KPNA5: variants seen among roughly 807,000 people sequenced by gnomAD.
The protein encoded by KPNA5 is karyopherin subunit alpha 5.
KPNA5 carries 46 observed loss-of-function variants against 71.3 expected under a neutral mutation model. The ratio of observed to expected loss-of-function variants is 0.65; its 90% CI spans 0.51 to 0.83. The LOEUF (loss-of-function observed/expected upper bound fraction) is 0.83. Among genes scored for constraint, KPNA5 ranks in the 40% least tolerant of loss-of-function variants. The pLI is 0.00. For missense variants in KPNA5, 547 were observed against 628.3 expected (o/e 0.87, Z 1.38); for synonymous variants, 207 against 201.4 (o/e 1.03, Z -0.24).
At chr6:116,715,323 C>T (rs1263881438) in intron 7 of KPNA5, among the ~76,000 whole-genome samples, 4 of 151,956 alleles carry the variant, frequency 2.6e-5, no homozygotes, top group South Asian at 2.1e-4. Context: ...CAAGGGGGTC[C>T]ACAACTCTAA....
At chr6:116,701,884 G>C (rs1778243480) in intron 5 of KPNA5, 135 bp from the exon 6 acceptor site, 9 of 633,572 alleles carry the variant, frequency 1.4e-5, no homozygotes, top group Non-Finnish European at 2.2e-5. Context: ...CCTTAAATCT[G>C]ACTTCACAAT....
intron 12 of KPNA5, among the ~76,000 whole-genome samples, chr6:116,729,080 T>C (rs1022578546): frequency 1.3e-5 from 2 of 151,910 alleles, no homozygotes; most frequent in South Asian, 4.1e-4. Context: ...GCTGTGATTG[T>C]TTTTATGGGA....
At chr6:116,686,368 A>C (rs1373039832) in intron 1 of KPNA5, among the ~76,000 whole-genome samples, 1 of 152,018 alleles carries the variant, frequency 6.6e-6, no homozygotes, top group South Asian at 2.1e-4. Context: ...GTGTCTGTTC[A>C]TGTCCTTTGC....
At chr6:116,702,852 A>G (rs931782846) in intron 6 of KPNA5, among the ~76,000 whole-genome samples, 4 of 152,228 alleles carry the variant, frequency 2.6e-5, no homozygotes, top group Non-Finnish European at 5.9e-5. Flanking sequence ...AATAAACTTA[A>G]TGAATAAAGT....
chr6:116,688,632 A>G (rs1485374548), intron 1 of KPNA5, among the ~76,000 whole-genome samples: 1 of 152,168 alleles, frequency 6.6e-6, no homozygotes, highest in Non-Finnish European at 1.5e-5. Context: ...TATTTTATGT[A>G]TTTATAAAAT....
At position 116,726,598 on chromosome 6, in the gene KPNA5, C is replaced by T; in HGVS notation, c.1229C>T (p.Ser410Leu). ...GCTTGGGCTATAACTAATGCAACAT[C>T]AGGAGGTACTCCAGAGCAAATAAGG... The part of the protein sequence containing the change: ...EAAWAITNAT[S>L]GGTPEQIRYL... Residue 410 changes from serine (S) to leucine (L), a missense_variant, in exon 12 of 14, where the codon TCA becomes TTA. Coordinates refer to ENST00000368564, the MANE Select transcript of KPNA5 (RefSeq NM_001366306.2). The T allele has an allele frequency of 6.2e-7, 1 of 1,611,178 alleles. No individual in the cohort carries two copies. The highest frequency in any genetic ancestry group is 8.5e-7 in the Non-Finnish European group (1 of 1,178,780).
At chr6:116,686,523 T>C (rs1327723687) in intron 1 of KPNA5, among the ~76,000 whole-genome samples, 1 of 152,208 alleles carries the variant, frequency 6.6e-6, no homozygotes, top group Non-Finnish European at 1.5e-5. Flanking sequence ...GTTGACAGAT[T>C]CTTTTGCTGT....
chr6:116,684,105 G>T (rs954327544), intron 1 of KPNA5, among the ~76,000 whole-genome samples: 1 of 151,454 alleles, frequency 6.6e-6, no homozygotes, highest in African/African-American at 2.4e-5. Context: ...TAGAGACAGG[G>T]TTTCACTATA....
At chr6:116,683,896 CTTTTTTTTTTTTTTTTTTTTTT>C (rs140446065) in intron 1 of KPNA5, among the ~76,000 whole-genome samples, 1 of 59,608 alleles carries the variant, frequency 1.7e-5, no homozygotes, top group African/African-American at 4.9e-5. Context: ...CGTGCCCGGC[CTTTTTTTTTTTTTTTTTTTTTT>C]TTTTTTTTTT....
intron 7 of KPNA5, among the ~76,000 whole-genome samples, chr6:116,713,435 T>C (rs1181459230): frequency 2.0e-5 from 3 of 152,200 alleles, no homozygotes; most frequent in Admixed American, 2.0e-4. Context: ...TTGATCTTTA[T>C]GAGGAATCTT....
intron 9 of KPNA5, 59 bp from the exon 10 acceptor site, chr6:116,724,238 C>T (rs1779215253): frequency 8.6e-7 from 1 of 1,165,374 alleles, no homozygotes; most frequent in Non-Finnish European, 1.3e-6. Context: ...ATTTTTGTAA[C>T]TTCTGTGTAA....
chr6:116,690,384 C>G (rs1777750649), intron 2 of KPNA5, among the ~76,000 whole-genome samples: 1 of 152,128 alleles, frequency 6.6e-6, no homozygotes. Flanking sequence ...GCTGGGAGCC[C>G]TGGCTCACCC....
At chr6:116,710,385 C>T (rs1778613021) in intron 7 of KPNA5, among the ~76,000 whole-genome samples, 1 of 151,582 alleles carries the variant, frequency 6.6e-6, no homozygotes, top group South Asian at 2.1e-4. Flanking sequence ...GAAGTGTTCT[C>T]TTTTTTTAAA....
At chr6:116,724,499 A>G in intron 10 of KPNA5, 124 bp downstream of exon 10, 1 of 608,550 alleles carries the variant, frequency 1.6e-6, no homozygotes, top group Non-Finnish European at 3.0e-6. Flanking sequence ...GTGTGTCTGT[A>G]TCTGTGTCTT....
intron 7 of KPNA5, among the ~76,000 whole-genome samples, chr6:116,712,130 T>C (rs1583429715): frequency 6.6e-6 from 1 of 152,090 alleles, no homozygotes; most frequent in Non-Finnish European, 1.5e-5. Context: ...TTAGTAGAGA[T>C]GGGTCTCACC....
rs1583457272 is a variant in KPNA5, at chr6:116,738,362, G to C, written c.*6039G>C. On this transcript the variant is annotated 3_prime_UTR_variant, in exon 14 of 14. Coordinates refer to ENST00000368564, the MANE Select transcript of KPNA5 (RefSeq NM_001366306.2). The stretch of plus-strand genomic sequence containing the variant: ...TCTGAAATTGTGGCAATAATCAATA[G>C]CTTACCAACAAAAAGAGTCCAGGAC... 1 of 152,200 alleles carries C rather than the reference G, an allele frequency of 6.6e-6. No homozygotes were observed. Among genetic ancestry groups the C allele is most frequent in the East Asian group, 1.9e-4 (1 of 5,176 alleles). 9.4% of individuals were successfully genotyped at this position (152,200 alleles called of 1,614,324 possible). A position where few individuals can be genotyped will look rare whatever the true frequency, so the allele number is the denominator to read the frequency against.
intron 1 of KPNA5, 120 bp downstream of exon 1, chr6:116,681,458 C>G: frequency 7.1e-7 from 1 of 1,417,190 alleles, no homozygotes; most frequent in African/African-American, 1.5e-5. Context: ...TCTCTGGAAC[C>G]TGGCGGTGCC....
Position 116,702,102 on chromosome 6 carries a change from G to A in KPNA5, c.519G>A (p.Pro173=), listed in dbSNP as rs374140887. 28 of 1,613,752 alleles carry A rather than the reference G, an allele frequency of 1.7e-5. No homozygotes were observed. The East Asian group carries it at 1.8e-4, about 10-fold the overall frequency. Reference sequence around the variant, plus strand: ...TAGTGATTGAAACTGGGGCTGTTCCGATTTTTATCAAACTTCTTAATTCTG... The same window carrying A: ...TAGTGATTGAAACTGGGGCTGTTCCAATTTTTATCAAACTTCTTAATTCTG... ...TKVVIETGAV[P]IFIKLLNSEH... The change falls in exon 6 of 14, where the codon CCG becomes CCA. Residue 173 remains proline, a synonymous_variant. Transcript: ENST00000368564.
chr6:116,718,774 T>C (rs9400954), intron 8 of KPNA5, among the ~76,000 whole-genome samples: 27,969 of 151,514 alleles, frequency 0.18, 2,706 homozygotes, highest in East Asian at 0.3. Context: ...CTTTTTTTTT[T>C]CTTCTTTTTT....
Sources: allele counts gnomAD v4.1 joint callset (sites outside exome capture counted in the v4.1 genomes callset), GRCh38; gene constraint gnomAD v4.1.1; transcripts MANE v1.5; gene names NCBI Gene and HGNC (gene_info 2026-07-23, HGNC 2026-07-21).